SPATA19: variants seen among roughly 807,000 people sequenced by gnomAD.
SPATA19 encodes spermatogenesis-associated protein 19, mitochondrial.
SPATA19 carries 19 observed loss-of-function variants against 25.0 expected under a neutral mutation model. That is an observed-to-expected ratio of 0.76 (90% CI 0.53 to 1.11). The LOEUF (loss-of-function observed/expected upper bound fraction) is 1.11. SPATA19 is among the 50% of genes most tolerant of loss of function. The pLI, the probability that SPATA19 is intolerant of heterozygous loss-of-function variation, is 0.00. For synonymous variants in SPATA19, 64 were observed against 69.3 expected (o/e 0.92, Z 0.38); for missense variants, 222 against 211.4 (o/e 1.05, Z -0.31).
At chr11:133,838,843 A>G (rs573895867), downstream of SPATA19, among the ~76,000 whole-genome samples, 5 of 152,302 alleles carry the variant, frequency 3.3e-5, no homozygotes, top group South Asian at 1.0e-3. Flanking sequence ...AGAAAAAAAC[A>G]AACAACCCCA....
At chr11:133,842,410 G>T (rs143600351) in intron 5 of SPATA19, 75 bp downstream of exon 5, 4 of 1,152,542 alleles carry the variant, frequency 3.5e-6, no homozygotes, top group Non-Finnish European at 5.3e-6. Flanking sequence ...GGGTGTGGGC[G>T]GGAAACCCAG....
At chr11:133,839,771 A>G (rs116929963), downstream of SPATA19, among the ~76,000 whole-genome samples, 681 of 152,312 alleles carry the variant, frequency 4.5e-3, 4 homozygotes, top group South Asian at 8.7e-3. Flanking sequence ...AAAAAAGTGA[A>G]ACATTTTCCA....
At chr11:133,843,922 G>A (rs1204458428) in intron 4 of SPATA19, among the ~76,000 whole-genome samples, 2 of 152,202 alleles carry the variant, frequency 1.3e-5, no homozygotes, top group Non-Finnish European at 2.9e-5. Context: ...CATTTTAAGA[G>A]CTTATTTTCT....
chr11:133,843,923 C>T (rs915322381), intron 4 of SPATA19, among the ~76,000 whole-genome samples: 5 of 152,218 alleles, frequency 3.3e-5, no homozygotes, highest in Non-Finnish European at 7.3e-5. Context: ...ATTTTAAGAG[C>T]TTATTTTCTT....
chr11:133,842,257 C>T (rs1938325047), intron 5 of SPATA19, 152 bp from the exon 6 acceptor site: 5 of 822,590 alleles, frequency 6.1e-6, no homozygotes, highest in South Asian at 1.5e-5. Flanking sequence ...TGAACAGGCC[C>T]ACAGCCTGAA....
chr11:133,841,592 G>A (rs1316707477), intron 6 of SPATA19, among the ~76,000 whole-genome samples: 1 of 152,132 alleles, frequency 6.6e-6, no homozygotes, highest in Non-Finnish European at 1.5e-5. Context: ...GGGACCAAAA[G>A]TCACATCACA....
chr11:133,839,351 A>T (rs990220228), downstream of SPATA19, among the ~76,000 whole-genome samples: 2 of 152,248 alleles, frequency 1.3e-5, no homozygotes, highest in African/African-American at 4.8e-5. Flanking sequence ...CTATGCAGCC[A>T]TAAAAAATGA....
chr11:133,837,102 A>G (rs141202791), downstream of SPATA19, among the ~76,000 whole-genome samples: 161 of 152,334 alleles, frequency 1.1e-3, 1 homozygote, highest in African/African-American at 3.7e-3. Context: ...AAATACTTCA[A>G]TAAGACTTCC....
chr11:133,844,535 G>C lies in SPATA19; in HGVS notation c.241C>G (p.Gln81Glu). The part of the protein sequence containing the change: ...MSTDSPPTHG[Q>E]DIHVTRDVVK... ...ACATCTCTGGTCACGTGGATGTCCT[G>C]GCCATGGGTGGGAGGGGAGTCAGTG... The change falls in exon 3 of 7, where the codon CAG becomes GAG. Residue 81 changes from glutamine to glutamate, a missense_variant. Coordinates refer to ENST00000299140, the MANE Select transcript of SPATA19 (RefSeq NM_174927.3). 1 of 1,614,164 alleles carries C rather than the reference G, an allele frequency of 6.2e-7. No homozygotes were observed.
At chr11:133,839,371 G>A (rs572468123), downstream of SPATA19, among the ~76,000 whole-genome samples, 3 of 152,302 alleles carry the variant, frequency 2.0e-5, no homozygotes, top group African/African-American at 7.2e-5. Context: ...ATGAGTTAAT[G>A]TCCTTTGTAG....
At chr11:133,845,250 C>A (rs913002146) in intron 1 of SPATA19, 60 bp from the exon 2 acceptor site, 1 of 1,534,166 alleles carries the variant, frequency 6.5e-7, no homozygotes, top group Middle Eastern at 1.7e-4. Context: ...TCTTCCCACC[C>A]AGCCCCCGCA....
Position 133,842,122 on chromosome 11 carries a change from A to G in SPATA19, c.438-17T>C. Reference sequence around the variant, plus strand: ...CGGGATATGCTGCAGGGGACAGAGGAGAAGGGCCAGGTGGAGGGAGGCTGC... The same window carrying G: ...CGGGATATGCTGCAGGGGACAGAGGGGAAGGGCCAGGTGGAGGGAGGCTGC... On this transcript the variant is annotated splice_polypyrimidine_tract_variant and intron_variant, in intron 5 of 6. Transcript: ENST00000299140. 6.2e-7 allele frequency: 1 copy of G among 1,613,380 alleles called. No homozygotes were observed. Among genetic ancestry groups the G allele is most frequent in the Non-Finnish European group, 8.5e-7 (1 of 1,179,602 alleles).
chr11:133,845,046 A>C (rs974454327), intron 2 of SPATA19, 88 bp downstream of exon 2: 6 of 1,141,876 alleles, frequency 5.3e-6, no homozygotes, highest in Non-Finnish European at 7.7e-6. Context: ...TTCCAGTTCC[A>C]TGAAGAAGGA....
intron 6 of SPATA19, 135 bp from the exon 7 acceptor site, chr11:133,841,058 T>A (rs1422883142): frequency 6.6e-6 from 1 of 152,124 alleles, no homozygotes; most frequent in East Asian, 1.9e-4. Flanking sequence ...TCTTCTCTAG[T>A]AATATGAGCA....
intron 2 of SPATA19, among the ~76,000 whole-genome samples, chr11:133,844,876 G>A (rs1938387499): frequency 6.6e-6 from 1 of 152,198 alleles, no homozygotes; most frequent in Non-Finnish European, 1.5e-5. Flanking sequence ...GAGCTGGGAA[G>A]GATGCAGCTG....
chr11:133,842,140 G>A (rs1355812757), intron 5 of SPATA19, 35 bp from the exon 6 acceptor site: 2 of 1,602,152 alleles, frequency 1.2e-6, no homozygotes, highest in South Asian at 1.1e-5. Flanking sequence ...CAGGTGGAGG[G>A]AGGCTGCCTG....
chr11:133,837,375 A>G (rs1299795897), downstream of SPATA19, among the ~76,000 whole-genome samples: 1 of 152,190 alleles, frequency 6.6e-6, no homozygotes, highest in Non-Finnish European at 1.5e-5. Context: ...GTAACTGACA[A>G]ATTGCTGGAG....
At chr11:133,838,341 C>T (rs938966102), downstream of SPATA19, among the ~76,000 whole-genome samples, 1 of 152,106 alleles carries the variant, frequency 6.6e-6, no homozygotes, top group African/African-American at 2.4e-5. Flanking sequence ...TAAAGAATGT[C>T]TTTGAAGGAC....
rs767012066 is a variant in SPATA19, at chr11:133,845,436, G to C, written c.11C>G (p.Thr4Arg). Residue 4 changes from threonine to arginine, a missense_variant, in exon 1 of 7, where the codon ACG (threonine) becomes AGG (arginine). Physicochemically the swap from Thr to Arg is moderately conservative, Grantham distance 71. Coordinates refer to ENST00000299140, the MANE Select transcript of SPATA19 (RefSeq NM_174927.3). ...AGCAAGAATATACACAATCCATGTC[G>C]TAATTATCATCTTTGAATGTATACC... MII[T>R]TWIVYILARK... The C allele has an allele frequency of 8.7e-6, 14 of 1,613,900 alleles. No individual in the cohort carries two copies.
Sources: gnomAD v4.1 joint callset for allele counts (sites outside exome capture counted in the v4.1 genomes callset) on GRCh38, gnomAD v4.1.1 for gene constraint, MANE v1.5 for transcripts, NCBI Gene and HGNC (gene_info 2026-07-23, HGNC 2026-07-21) for gene names.